BHMT: variants seen among roughly 807,000 people sequenced by gnomAD.
BHMT encodes the protein betaine--homocysteine S-methyltransferase 1.
BHMT carries 38 observed loss-of-function variants against 49.5 expected under a neutral mutation model. The observed-to-expected ratio is 0.77, with a 90% CI of 0.59 to 1.01. The LOEUF (loss-of-function observed/expected upper bound fraction) is 1.01. Among genes scored for constraint, BHMT ranks in the 50% least tolerant of loss-of-function variants. The pLI is 0.00. For missense variants in BHMT, 426 were observed against 495.7 expected, an observed-to-expected ratio of 0.86 and a Z score of 1.34; for synonymous variants, 166 against 176.3, an observed-to-expected ratio of 0.94 and a Z score of 0.46.
rs144211755 is a variant in BHMT at position 79,115,251 on chromosome 5, T to C, written c.34-516T>C. ...GGGAGGGTGAGACTGGAGGATCTTCTGAGCCCAGGAGTTCAAGTTCCTCTG... is the reference window on the plus strand; with the variant it reads ...GGGAGGGTGAGACTGGAGGATCTTCCGAGCCCAGGAGTTCAAGTTCCTCTG... On this transcript the variant is annotated intron_variant, in intron 1 of 7. Transcript: ENST00000274353. 6.7e-3 allele frequency among the ~76,000 whole-genome samples: 1,024 copies of C among 151,784 alleles called. 10 individuals are homozygous for C. The highest frequency in any genetic ancestry group is 0.024 in the African/African-American group (972 of 41,306).
At chr5:79,126,967 T>C (rs1265443186) in intron 6 of BHMT, among the ~76,000 whole-genome samples, 1 of 152,196 alleles carries the variant, frequency 6.6e-6, no homozygotes, top group African/African-American at 2.4e-5. Context: ...ACAAGTAAGA[T>C]ATTATAAAAT....
intron 7 of BHMT, among the ~76,000 whole-genome samples, chr5:79,130,203 T>C (rs1756615663): frequency 6.6e-6 from 1 of 151,984 alleles, no homozygotes; most frequent in South Asian, 2.1e-4. Flanking sequence ...ACTTTAGACT[T>C]ACAGATTGAG....
intron 7 of BHMT, among the ~76,000 whole-genome samples, chr5:79,128,955 G>A (rs1756595898): frequency 6.6e-6 from 1 of 152,228 alleles, no homozygotes; most frequent in Non-Finnish European, 1.5e-5. Flanking sequence ...GGATAGAAAA[G>A]TAACAAGAGA....
intron 5 of BHMT, 65 bp from the exon 6 acceptor site, chr5:79,125,981 G>C (rs950050847): frequency 1.3e-6 from 2 of 1,482,242 alleles, no homozygotes; most frequent in Non-Finnish European, 1.8e-6. Context: ...CTGATGAAGA[G>C]AGGAGAGCTG....
Position 79,120,386 on chromosome 5 carries a change from C to G in BHMT, c.322C>G (p.Arg108Gly), listed in dbSNP as rs1488292716. 2 of 1,613,442 alleles carry G rather than the reference C, an allele frequency of 1.2e-6. No homozygotes were observed. The highest frequency in any genetic ancestry group is 2.7e-5 in the African/African-American group (2 of 74,906). ...CAATGAAGCTGCTTGCGACATCGCC[C>G]GACAAGTGGCTGATGAAGGAGATGC... is the stretch of plus-strand genomic sequence containing the variant. ...EVNEAACDIA[R>G]QVADEGDALV... is the part of the protein sequence containing the mutation. The change falls in exon 4 of 8, where the codon CGA becomes GGA. Residue 108 changes from arginine (R) to glycine (G), a missense_variant. Coordinates refer to ENST00000274353, the MANE Select transcript of BHMT (RefSeq NM_001713.3).
chr5:79,116,048 C>A, intron 2 of BHMT, 149 bp downstream of exon 2: 1 of 1,008,716 alleles, frequency 9.9e-7, no homozygotes, highest in Non-Finnish European at 1.3e-6. Context: ...GAGACCTAGT[C>A]TCTCAGAAGT....
intron 1 of BHMT, 62 bp downstream of exon 1, chr5:79,111,980 C>T: frequency 6.7e-7 from 1 of 1,482,682 alleles, no homozygotes; most frequent in South Asian, 1.3e-5. Context: ...GTATCCCAGC[C>T]TCTGGGAGCG....
At chr5:79,126,345 C>T in intron 6 of BHMT, 117 bp downstream of exon 6, 3 of 1,206,864 alleles carry the variant, frequency 2.5e-6, no homozygotes, top group Non-Finnish European at 3.5e-6. Context: ...GGTGTCTCCT[C>T]ATGTCTTGTC....
chr5:79,130,909 G>C (rs577243915), intron 7 of BHMT, 24 bp from the exon 8 acceptor site: 3 of 1,569,792 alleles, frequency 1.9e-6, no homozygotes, highest in East Asian at 2.3e-5. Context: ...CTGTTGTCTG[G>C]TGTCATGTGT....
intron 1 of BHMT, among the ~76,000 whole-genome samples, chr5:79,114,966 G>A (rs1756364134): frequency 6.6e-6 from 1 of 152,146 alleles, no homozygotes; most frequent in Non-Finnish European, 1.5e-5. Flanking sequence ...GCACAGTATT[G>A]TAAATGGAAT....
intron 2 of BHMT, among the ~76,000 whole-genome samples, chr5:79,118,088 G>A (rs1245104898): frequency 6.6e-6 from 1 of 152,128 alleles, no homozygotes; most frequent in East Asian, 1.9e-4. Context: ...CACAGCTTAG[G>A]ACAGCTATTT....
At chr5:79,127,381 T>C (rs1028248290) in intron 6 of BHMT, among the ~76,000 whole-genome samples, 1 of 152,096 alleles carries the variant, frequency 6.6e-6, no homozygotes, top group African/African-American at 2.4e-5. Flanking sequence ...GGCAGCTGGC[T>C]TTCCCCAGGG....
chr5:79,121,133 A>G (rs1027904402), intron 4 of BHMT, 85 bp from the exon 5 acceptor site: 4 of 1,525,804 alleles, frequency 2.6e-6, no homozygotes, highest in Non-Finnish European at 2.7e-6. Flanking sequence ...CCTGGGTGAA[A>G]GAGCAAAACT....
rs532232219 is a variant in BHMT at position 79,127,509 on chromosome 5, G to A, written c.809-246G>A. Among the ~76,000 whole-genome samples the A allele has an allele frequency of 5.3e-5, 8 of 152,266 alleles. No homozygotes were observed. The South Asian group carries it at 1.7e-3, about 32-fold the overall frequency. ...TCTCACAGACCAGCCCTGTTATAAT[G>A]CAAGAGGGGACTGCACAAGAAGAAA... On this transcript the variant is annotated intron_variant, in intron 6 of 7. Coordinates refer to ENST00000274353, the MANE Select transcript of BHMT (RefSeq NM_001713.3).
Position 79,117,442 on chromosome 5 carries a change from G to A in BHMT, c.166+1543G>A, listed in dbSNP as rs191808586. 4.6e-3 allele frequency among the ~76,000 whole-genome samples: 693 copies of A among 152,200 alleles called. 2 individuals carry two copies. Among genetic ancestry groups the A allele is most frequent in the Non-Finnish European group, 7.3e-3 (498 of 68,006 alleles). On this transcript the variant is annotated intron_variant, in intron 2 of 7. Transcript: ENST00000274353. ...TTGGTTCTGTTATTAATTAAAACAAGTTTGAAGCCCGCTAATTTAGGGATG... is the reference window on the plus strand; with the variant it reads ...TTGGTTCTGTTATTAATTAAAACAAATTTGAAGCCCGCTAATTTAGGGATG...
chr5:79,117,612 A>G (rs1756404873), intron 2 of BHMT, among the ~76,000 whole-genome samples: 1 of 152,188 alleles, frequency 6.6e-6, no homozygotes, highest in South Asian at 2.1e-4. Flanking sequence ...CAAGGTTTCT[A>G]TGTTCCAGTT....
At chr5:79,114,549 C>G (rs1350720964) in intron 1 of BHMT, among the ~76,000 whole-genome samples, 1 of 152,172 alleles carries the variant, frequency 6.6e-6, no homozygotes, top group African/African-American at 2.4e-5. Flanking sequence ...GTTATTATGT[C>G]AGCTTTTGTT....
At chr5:79,120,229 C>A in intron 3 of BHMT, 121 bp from the exon 4 acceptor site, 1 of 989,830 alleles carries the variant, frequency 1.0e-6, no homozygotes, top group Non-Finnish European at 1.4e-6. Context: ...TATTCCATAA[C>A]AGTCATTTTC....
rs4703772 is a variant in BHMT at position 79,126,212 on chromosome 5, C to T, written c.792C>T (p.Leu264=). The change falls in exon 6 of 8, where the codon CTC becomes CTT. Residue 264 remains leucine (L), a synonymous_variant. Transcript: ENST00000274353. ...GCAACAAGCAGGGATTCATCGATCT[C>T]CCAGAATTCCCATTTGGTAAGACCA... The part of the protein sequence containing the change: ...PDCNKQGFID[L]PEFPFGLEPR... 11,473 of 1,613,508 alleles carry T rather than the reference C, an allele frequency of 7.1e-3. 969 individuals are homozygous for T. The Admixed American group carries it at 0.15, about 22-fold the overall frequency.
Sources: gnomAD v4.1 joint callset for allele counts (sites outside exome capture counted in the v4.1 genomes callset) on GRCh38, gnomAD v4.1.1 for gene constraint, MANE v1.5 for transcripts, NCBI Gene and HGNC (gene_info 2026-07-23, HGNC 2026-07-21) for gene names.